Variants in CUL1 observed in about 807,000 individuals in gnomAD.
CUL1 encodes the protein cullin 1.
A neutral mutation model predicts 118.0 loss-of-function variants in CUL1; 24 were observed. The ratio of observed to expected loss-of-function variants is 0.20; its 90% confidence interval spans 0.15 to 0.29. CUL1 has a LOEUF of 0.29. Among genes scored for constraint, CUL1 ranks in the 10% least tolerant of loss-of-function variants. CUL1 has a pLI of 1.00. For missense variants in CUL1, 361 were observed against 933.8 expected (o/e 0.39, Z 7.99); for synonymous variants, 332 against 340.4 (o/e 0.98, Z 0.27).
intron 9 of CUL1, among the ~76,000 whole-genome samples, chr7:148,779,937 C>T (rs907516008): frequency 2.0e-5 from 3 of 152,196 alleles, no homozygotes; most frequent in African/African-American, 7.2e-5. Context: ...AAAGGCGAGA[C>T]TGGCCTGGCC....
At chr7:148,751,400 T>C (rs746661740) in intron 2 of CUL1, among the ~76,000 whole-genome samples, 21 of 151,794 alleles carry the variant, frequency 1.4e-4, no homozygotes, top group Non-Finnish European at 2.6e-4. Context: ...ATACAAAAAT[T>C]AGCCAGGAAT....
At chr7:148,757,903 G>A (rs958483613) in intron 4 of CUL1, among the ~76,000 whole-genome samples, 2 of 152,156 alleles carry the variant, frequency 1.3e-5, no homozygotes, top group Admixed American at 6.5e-5. Context: ...GAACAGTATG[G>A]GGGAACCACC....
rs6952855 is a variant in CUL1 at position 148,760,823 on chromosome 7, A to G, written c.789+327A>G. 6.5e-3 allele frequency among the ~76,000 whole-genome samples: 990 copies of G among 152,356 alleles called. 17 individuals carry two copies. The highest frequency in any genetic ancestry group is 0.022 in the African/African-American group (928 of 41,592). ...TCAATGAGAAAATTTTAAGAAACAA[A>G]TATTTTCAGATTTGCAAACTTTAAT... On this transcript the variant is annotated intron_variant, in intron 7 of 21. Transcript: ENST00000325222.
chr7:148,783,520 T>C, intron 9 of CUL1: 1 of 1,333,852 alleles, frequency 7.5e-7, no homozygotes, highest in South Asian at 1.5e-5. Context: ...CTTTGAGTTT[T>C]CACTGTTTTT....
At chr7:148,716,535 A>G (rs576123375) in intron 1 of CUL1, among the ~76,000 whole-genome samples, 30 of 152,318 alleles carry the variant, frequency 2.0e-4, no homozygotes, top group African/African-American at 6.0e-4. Context: ...ACCCCACTGT[A>G]GTCTCACTTC....
Position 148,730,173 on chromosome 7 carries a change from G to A in CUL1, c.51G>A (p.Leu17=). The A allele has an allele frequency of 6.2e-7, 1 of 1,614,128 alleles. No individual in the cohort carries two copies. The highest frequency in any genetic ancestry group is 1.1e-5 in the South Asian group (1 of 91,080). Residue 17 remains leucine (L), a synonymous_variant, in exon 2 of 22, where the codon CTG becomes CTA. Transcript: ENST00000325222. ...CCCACGGCCTGAAGCAGATTGGCCT[G>A]GACCAGATCTGGGACGACCTCAGAG... ...QNPHGLKQIG[L]DQIWDDLRAG...
In CUL1 at chr7:148,779,970, A is replaced by G. The variant is rs140925457; in HGVS notation, c.1084-3813A>G. 4.0e-3 allele frequency among the ~76,000 whole-genome samples: 608 copies of G among 152,328 alleles called. 3 individuals are homozygous for G. The highest frequency in any genetic ancestry group is 0.014 in the African/African-American group (564 of 41,572). ...GCCTCCCAGCCTACATCTTTCTCCT[A>G]TGCTGGATGCTTCCTGCCCTCGAAC... On this transcript the variant is annotated intron_variant, in intron 9 of 21. Coordinates refer to ENST00000325222, the MANE Select transcript of CUL1 (RefSeq NM_003592.3).
chr7:148,773,321 T>C (rs73158234), intron 9 of CUL1, among the ~76,000 whole-genome samples: 7,191 of 152,114 alleles, frequency 0.047, 255 homozygotes, highest in Middle Eastern at 0.078. Context: ...TCTCTACTTA[T>C]AACACAGTCA....
At position 148,797,870 on chromosome 7, in the gene CUL1, G is replaced by A. The variant is rs549473931; in HGVS notation, c.1947+11G>A. 2.7e-5 allele frequency: 44 copies of A among 1,612,780 alleles called. No individual in the cohort carries two copies. Among genetic ancestry groups the A allele is most frequent in the South Asian group, 2.3e-4 (21 of 90,900 alleles). The stretch of plus-strand genomic sequence containing the variant: ...AAGTCGAAGCTATTGGTAGGTTTGC[G>A]CCCTTTTATCTTACACTAGAAGAAG... On this transcript the variant is annotated intron_variant, in intron 18 of 21. Transcript: ENST00000325222.
chr7:148,739,559 C>T (rs867883985), intron 2 of CUL1, among the ~76,000 whole-genome samples: 8 of 152,246 alleles, frequency 5.3e-5, no homozygotes, highest in African/African-American at 1.9e-4. Context: ...CCAAGTCTTT[C>T]GCCTCCTGTT....
chr7:148,713,005 CT>C (rs1416271585), intron 1 of CUL1, among the ~76,000 whole-genome samples: 1 of 152,162 alleles, frequency 6.6e-6, no homozygotes, highest in East Asian at 1.9e-4. Context: ...ATTCTATGAG[CT>C]CTTTTTCTTT....
chr7:148,703,943 G>A (rs898218019), intron 1 of CUL1, among the ~76,000 whole-genome samples: 2 of 152,116 alleles, frequency 1.3e-5, no homozygotes, highest in Admixed American at 6.5e-5. Flanking sequence ...ACAGCATGGC[G>A]ATCTCAAGAT....
chr7:148,754,773 G>A (rs996238124), intron 3 of CUL1, among the ~76,000 whole-genome samples: 2 of 150,148 alleles, frequency 1.3e-5, no homozygotes, highest in African/African-American at 2.5e-5. Context: ...TTAAGACAGG[G>A]TCTTGTTCTG....
At chr7:148,717,124 A>T (rs1168947513) in intron 1 of CUL1, among the ~76,000 whole-genome samples, 1 of 151,934 alleles carries the variant, frequency 6.6e-6, no homozygotes, top group Admixed American at 6.6e-5. Flanking sequence ...CAGTGGGGTG[A>T]TCTCTGCTCA....
At chr7:148,788,376 A>T (rs760954767) in intron 13 of CUL1, among the ~76,000 whole-genome samples, 181 bp from the exon 14 acceptor site, 1 of 152,174 alleles carries the variant, frequency 6.6e-6, no homozygotes, top group East Asian at 1.9e-4. Context: ...GGGTTTTTTG[A>T]CAGTGTATTA....
intron 1 of CUL1, among the ~76,000 whole-genome samples, chr7:148,721,646 C>T (rs1235771047): frequency 6.6e-6 from 1 of 152,226 alleles, no homozygotes; most frequent in Middle Eastern, 3.4e-3. Flanking sequence ...GGAGAGCTAA[C>T]CTCTCCCTTC....
chr7:148,733,427 C>T (rs1368959538), intron 2 of CUL1, among the ~76,000 whole-genome samples: 1 of 152,206 alleles, frequency 6.6e-6, no homozygotes, highest in Admixed American at 6.5e-5. Flanking sequence ...GCCATCTTCA[C>T]TTAAAGCCAT....
chr7:148,739,873 C>T (rs1018624842), intron 2 of CUL1, among the ~76,000 whole-genome samples: 1 of 152,108 alleles, frequency 6.6e-6, no homozygotes, highest in East Asian at 1.9e-4. Context: ...GACCTGTGAT[C>T]CACCTGGAGT....
chr7:148,764,770 A>T (rs1799949858), intron 7 of CUL1, among the ~76,000 whole-genome samples: 1 of 152,208 alleles, frequency 6.6e-6, no homozygotes, highest in Admixed American at 6.5e-5. Context: ...AATCAGAAAA[A>T]CAAAATTACA....
Sources: allele counts gnomAD v4.1 joint callset (sites outside exome capture counted in the v4.1 genomes callset), GRCh38; gene constraint gnomAD v4.1.1; transcripts MANE v1.5; gene names NCBI Gene and HGNC (gene_info 2026-07-23, HGNC 2026-07-21).